DENND5B: variants seen among roughly 807,000 people sequenced by gnomAD.
DENND5B encodes the protein DENN domain-containing protein 5B.
Under a neutral mutation model 140.6 loss-of-function variants are expected in DENND5B, and 34 were observed. The observed-to-expected ratio is 0.24, with a 90% CI of 0.18 to 0.32. DENND5B has a LOEUF of 0.32. Among genes scored for constraint, DENND5B ranks in the 10% least tolerant of loss-of-function variants. DENND5B has a pLI of 1.00. For missense variants in DENND5B, 1,142 were observed against 1,560.2 expected (o/e 0.73, Z 4.52); for synonymous variants, 551 against 562.1 (o/e 0.98, Z 0.28).
At chr12:31,388,226 CTTTTTTTTTT>C (rs35891849) in intron 20 of DENND5B, among the ~76,000 whole-genome samples, 1 of 91,480 alleles carries the variant, frequency 1.1e-5, no homozygotes, top group Non-Finnish European at 2.0e-5. Context: ...TAGGGACTTG[CTTTTTTTTTT>C]TTTTTTTTTT....
intron 11 of DENND5B, among the ~76,000 whole-genome samples, chr12:31,420,525 C>T (rs1307307862): frequency 6.6e-6 from 1 of 151,514 alleles, no homozygotes. Context: ...CTCACTGCAA[C>T]CTCTGCCTCC....
At chr12:31,480,596 T>C (rs529713638) in intron 2 of DENND5B, among the ~76,000 whole-genome samples, 3 of 152,332 alleles carry the variant, frequency 2.0e-5, no homozygotes, top group East Asian at 3.9e-4. Flanking sequence ...TGAGCCTCAG[T>C]TCCTTTATCT....
intron 11 of DENND5B, among the ~76,000 whole-genome samples, chr12:31,419,537 G>A (rs1351753593): frequency 3.2e-5 from 4 of 124,644 alleles, no homozygotes; most frequent in Admixed American, 1.0e-4. Context: ...CAGACAGCAC[G>A]TTTGTAGAGG....
intron 1 of DENND5B, among the ~76,000 whole-genome samples, chr12:31,530,225 T>C (rs1948234514): frequency 6.6e-6 from 1 of 151,958 alleles, no homozygotes; most frequent in Admixed American, 6.6e-5. Context: ...ATACAAAAAT[T>C]AGCTGGGCGT....
At chr12:31,489,102 A>G (rs757815802) in intron 2 of DENND5B, among the ~76,000 whole-genome samples, 3 of 152,202 alleles carry the variant, frequency 2.0e-5, no homozygotes, top group Admixed American at 6.5e-5. Context: ...TATACTGTAT[A>G]ACCACACTCT....
intron 6 of DENND5B, among the ~76,000 whole-genome samples, chr12:31,446,368 T>C (rs961276660): frequency 6.6e-6 from 1 of 152,086 alleles, no homozygotes; most frequent in African/African-American, 2.4e-5. Flanking sequence ...AGGCTGGTCT[T>C]GAACTCCTGA....
At chr12:31,416,530 C>G (rs904372783) in intron 11 of DENND5B, among the ~76,000 whole-genome samples, 1 of 151,986 alleles carries the variant, frequency 6.6e-6, no homozygotes, top group African/African-American at 2.4e-5. Flanking sequence ...TCCCAAAGTG[C>G]TGGGATTACA....
chr12:31,412,312 C>T (rs1481228891), intron 13 of DENND5B, among the ~76,000 whole-genome samples: 1 of 152,170 alleles, frequency 6.6e-6, no homozygotes. Flanking sequence ...TTGACATGTA[C>T]TTGACTGGTT....
In DENND5B at chr12:31,430,497, CAAAAAAAAAAAAA is replaced by C. The variant is rs71062432; in HGVS notation, c.2106+2645_2106+2657del. 9.6e-4 allele frequency among the ~76,000 whole-genome samples: 54 copies of C among 56,058 alleles called. 1 individual carries two copies. Among genetic ancestry groups the C allele is most frequent in the Middle Eastern group, 0.013 (1 of 78 alleles). The allele number at this position is 56,058 out of a possible 152,430, so 36.8% of individuals were successfully genotyped here. ...TGAAACCCCGTCTCTACTAAAAATA[CAAAAAAAAAAAAA>C]AAAAAAAAAAAAAATTAGGTGGGCG... On this transcript the variant is annotated intron_variant, in intron 8 of 20. Transcript: ENST00000389082.
intron 2 of DENND5B, among the ~76,000 whole-genome samples, chr12:31,489,738 T>C (rs1946451098): frequency 8.2e-6 from 1 of 121,878 alleles, no homozygotes; most frequent in African/African-American, 3.1e-5. Context: ...GCAACTGAGA[T>C]AGGTGCTACA....
At chr12:31,495,788 T>G in intron 2 of DENND5B, 22 bp downstream of exon 2, 1 of 1,506,686 alleles carries the variant, frequency 6.6e-7, no homozygotes, top group Non-Finnish European at 9.0e-7. Flanking sequence ...AAAGAGTAAA[T>G]GAGGGGAAAA....
intron 3 of DENND5B, chr12:31,477,432 A>T (rs1490529642): frequency 6.6e-6 from 1 of 152,234 alleles, no homozygotes; most frequent in Non-Finnish European, 1.5e-5. Flanking sequence ...GTGAGTCCTC[A>T]GCTTCTGCTG....
At chr12:31,447,141 C>T (rs1044134593) in intron 6 of DENND5B, among the ~76,000 whole-genome samples, 1 of 151,674 alleles carries the variant, frequency 6.6e-6, no homozygotes, top group African/African-American at 2.4e-5. Flanking sequence ...CGTGATGGTG[C>T]GTGCCTGTAA....
intron 17 of DENND5B, among the ~76,000 whole-genome samples, chr12:31,393,422 C>T (rs1213988862): frequency 1.3e-5 from 2 of 152,218 alleles, no homozygotes; most frequent in East Asian, 3.9e-4. Context: ...CCAGCCAGTA[C>T]TTGCTCTTCT....
intron 1 of DENND5B, among the ~76,000 whole-genome samples, chr12:31,574,255 C>A: frequency 1.4e-5 from 1 of 69,652 alleles, no homozygotes; most frequent in South Asian, 4.2e-4. Context: ...AGAATGAGAC[C>A]CTGTCTCTAA....
At chr12:31,575,444 C>T (rs113102905) in intron 1 of DENND5B, among the ~76,000 whole-genome samples, 2 of 152,276 alleles carry the variant, frequency 1.3e-5, no homozygotes, top group South Asian at 4.1e-4. Context: ...AAAAGCAAGT[C>T]ACATCTCTGC....
In DENND5B at chr12:31,442,832, T is replaced by C; in HGVS notation, c.1955A>G (p.Gln652Arg). The C allele has an allele frequency of 3.1e-6, 5 of 1,613,662 alleles. No individual in the cohort carries two copies. The highest frequency in any genetic ancestry group is 4.2e-6 in the Non-Finnish European group (5 of 1,179,796). ...GGACTGTAACTTTGGAAAGAACCCC[T>C]GCTCATATTTGCCTTGACCAATTTT... ...DMKIGQGKYE[Q>R]GFFPKLQSDV... Residue 652 changes from glutamine to arginine, a missense_variant, in exon 7 of 21, where the codon CAG becomes CGG. Physicochemically the swap from Gln to Arg is conservative, Grantham distance 43 (BLOSUM62 1). Coordinates refer to ENST00000389082, the MANE Select transcript of DENND5B (RefSeq NM_144973.4).
At chr12:31,463,914 C>G (rs546459831) in intron 3 of DENND5B, among the ~76,000 whole-genome samples, 2 of 152,160 alleles carry the variant, frequency 1.3e-5, no homozygotes, top group Non-Finnish European at 2.9e-5. Flanking sequence ...GTGATCCACA[C>G]GCCTTTGCCT....
chr12:31,502,757 A>C (rs1446110901), intron 1 of DENND5B, among the ~76,000 whole-genome samples: 1 of 152,220 alleles, frequency 6.6e-6, no homozygotes, highest in Non-Finnish European at 1.5e-5. Flanking sequence ...TACTGTGAGA[A>C]CTGAATATCC....
Sources: gnomAD v4.1 joint callset for allele counts (sites outside exome capture counted in the v4.1 genomes callset) on GRCh38, gnomAD v4.1.1 for gene constraint, MANE v1.5 for transcripts, NCBI Gene and HGNC (gene_info 2026-07-23, HGNC 2026-07-21) for gene names.